The following RALGAPA2 variants were observed in gnomAD, a reference collection of about 807,000 sequenced individuals.
RALGAPA2 encodes the protein Ral GTPase activating protein catalytic subunit alpha 2, also known as ral GTPase-activating protein subunit alpha-2.
Under a neutral mutation model 230.4 loss-of-function variants are expected in RALGAPA2, and 139 were observed. That is an observed-to-expected ratio of 0.60 (90% confidence interval 0.53 to 0.69). The LOEUF is 0.69. Ranked by LOEUF, RALGAPA2 falls within the 30% of genes least tolerant of loss-of-function variation. The probability of loss-of-function intolerance (pLI) is 0.00; values close to 1 mark genes in which losing one functional copy is unlikely to be tolerated. For synonymous variants in RALGAPA2, 847 were observed against 837.8 expected (o/e 1.01, Z -0.19); for missense variants, 2,163 against 2,276.0 (o/e 0.95, Z 1.01).
At chr20:20,473,899 ATATT>A (rs1197147732) in intron 36 of RALGAPA2, among the ~76,000 whole-genome samples, 2 of 152,190 alleles carry the variant, frequency 1.3e-5, no homozygotes, top group Admixed American at 1.3e-4. Flanking sequence ...TATTCAGAAA[ATATT>A]TATTATGTGT....
chr20:20,662,050 A>G (rs935859807), intron 3 of RALGAPA2, among the ~76,000 whole-genome samples: 1 of 152,210 alleles, frequency 6.6e-6, no homozygotes, highest in Non-Finnish European at 1.5e-5. Flanking sequence ...TTGAGAAATA[A>G]AATAGGCAAT....
chr20:20,479,981 G>A (rs2123459062), intron 36 of RALGAPA2, among the ~76,000 whole-genome samples: 1 of 151,966 alleles, frequency 6.6e-6, no homozygotes, highest in African/African-American at 2.4e-5. Flanking sequence ...AGCAACAAAT[G>A]GTTAGAAAAG....
At chr20:20,489,293 G>A (rs1335979551) in intron 36 of RALGAPA2, among the ~76,000 whole-genome samples, 4 of 152,110 alleles carry the variant, frequency 2.6e-5, no homozygotes, top group African/African-American at 9.7e-5. Flanking sequence ...TTCCCTCTAC[G>A]ACAGTACTGG....
rs574419503 is a variant in RALGAPA2, at chr20:20,653,647, G to A, written c.271-60C>T. On this transcript the variant is annotated intron_variant, in intron 3 of 39. Transcript: ENST00000202677. ...AATGAAATTACACATTTTCATGACA[G>A]GCCCATATTACTCACTGTAGGTAAG... 9 of 1,001,710 alleles carry A rather than the reference G, an allele frequency of 9.0e-6. No individual in the cohort carries two copies. In the East Asian group the frequency reaches 2.4e-4, roughly 26 times the overall value. 62.1% of individuals were successfully genotyped at this position (1,001,710 alleles called of 1,614,324 possible).
At chr20:20,393,982 G>A (rs952895367) in intron 39 of RALGAPA2, among the ~76,000 whole-genome samples, 3 of 152,198 alleles carry the variant, frequency 2.0e-5, no homozygotes, top group South Asian at 2.1e-4. Flanking sequence ...CCTTCCCCTC[G>A]TAGTGTATTT....
At chr20:20,615,162 CTT>C (rs58165861) in intron 13 of RALGAPA2, among the ~76,000 whole-genome samples, 10 of 138,886 alleles carry the variant, frequency 7.2e-5, no homozygotes, top group Non-Finnish European at 1.1e-4. Context: ...AACGTGAGGA[CTT>C]TTTTTTTTTT....
At chr20:20,417,939 G>A (rs6046841) in intron 37 of RALGAPA2, among the ~76,000 whole-genome samples, 100,602 of 152,060 alleles carry the variant, frequency 0.66, 33,423 homozygotes, top group African/African-American at 0.74. Flanking sequence ...AACTTTTAGA[G>A]GAATGTATGG....
At chr20:20,520,592 A>G (rs1418606504) in intron 31 of RALGAPA2, among the ~76,000 whole-genome samples, 1 of 152,172 alleles carries the variant, frequency 6.6e-6, no homozygotes, top group African/African-American at 2.4e-5. Flanking sequence ...CTACCAGTCC[A>G]CAGTGAGTCC....
At chr20:20,643,804 G>A (rs2067119015) in intron 4 of RALGAPA2, among the ~76,000 whole-genome samples, 1 of 151,408 alleles carries the variant, frequency 6.6e-6, no homozygotes, top group South Asian at 2.1e-4. Flanking sequence ...GCCCACAGTG[G>A]ATTATGCGCA....
intron 8 of RALGAPA2, among the ~76,000 whole-genome samples, chr20:20,635,831 T>C (rs983788459): frequency 6.6e-6 from 1 of 152,208 alleles, no homozygotes; most frequent in African/African-American, 2.4e-5. Context: ...ATGATGGTGA[T>C]TGTTTATGTA....
intron 39 of RALGAPA2, among the ~76,000 whole-genome samples, chr20:20,393,952 C>T (rs895992147): frequency 6.6e-6 from 1 of 152,126 alleles, no homozygotes; most frequent in Non-Finnish European, 1.5e-5. Flanking sequence ...GTTCTGCGAG[C>T]GAGAGGATCA....
At chr20:20,691,410 T>C (rs1405713075) in intron 1 of RALGAPA2, among the ~76,000 whole-genome samples, 2 of 152,206 alleles carry the variant, frequency 1.3e-5, no homozygotes, top group East Asian at 1.9e-4. Flanking sequence ...CCTGATTCAA[T>C]TGAAAGTATT....
intron 5 of RALGAPA2, among the ~76,000 whole-genome samples, chr20:20,643,109 C>G (rs1381558013): frequency 6.6e-6 from 1 of 152,188 alleles, no homozygotes; most frequent in Non-Finnish European, 1.5e-5. Context: ...TTAGAGACAA[C>G]TATAATTTTA....
intron 4 of RALGAPA2, among the ~76,000 whole-genome samples, chr20:20,651,048 C>A (rs2067379831): frequency 6.6e-6 from 1 of 152,088 alleles, no homozygotes; most frequent in Non-Finnish European, 1.5e-5. Flanking sequence ...ATATTCTTAT[C>A]TTAAGCTATA....
chr20:20,394,587 C>T (rs537179621), intron 39 of RALGAPA2, among the ~76,000 whole-genome samples: 1 of 151,772 alleles, frequency 6.6e-6, no homozygotes, highest in South Asian at 2.1e-4. Context: ...GCAGTGATGG[C>T]TTCACTGCAC....
chr20:20,491,784 T>C (rs1434048963), intron 36 of RALGAPA2, among the ~76,000 whole-genome samples: 1 of 152,168 alleles, frequency 6.6e-6, no homozygotes, highest in Non-Finnish European at 1.5e-5. Flanking sequence ...GATGGACTTA[T>C]TTTGAAAGTA....
At chr20:20,521,613 GGTT>G (rs1427818541) in intron 30 of RALGAPA2, among the ~76,000 whole-genome samples, 1 of 151,658 alleles carries the variant, frequency 6.6e-6, no homozygotes, top group East Asian at 1.9e-4. Context: ...AAAGTTCACT[GGTT>G]GTTTACAAAT....
chr20:20,469,049 C>T (rs1332417922), intron 37 of RALGAPA2, among the ~76,000 whole-genome samples: 3 of 152,044 alleles, frequency 2.0e-5, no homozygotes, highest in Non-Finnish European at 4.4e-5. Flanking sequence ...ATATGATGTG[C>T]TCTTTCAAAG....
chr20:20,532,276 A>G (rs1361478574), intron 26 of RALGAPA2, among the ~76,000 whole-genome samples: 1 of 152,222 alleles, frequency 6.6e-6, no homozygotes, highest in Non-Finnish European at 1.5e-5. Context: ...TTCAAAATAA[A>G]TTTCACTGTT....
Sources: gnomAD v4.1 joint callset for allele counts (sites outside exome capture counted in the v4.1 genomes callset) on GRCh38, gnomAD v4.1.1 for gene constraint, MANE v1.5 for transcripts, NCBI Gene and HGNC (gene_info 2026-07-23, HGNC 2026-07-21) for gene names.